FCN2: variants seen among roughly 807,000 people sequenced by gnomAD.
The protein encoded by FCN2 is ficolin 2.
Under a neutral mutation model 32.5 loss-of-function variants are expected in FCN2, and 31 were observed. The observed-to-expected ratio is 0.96, with a 90% CI of 0.72 to 1.29. FCN2 has a LOEUF of 1.29. FCN2 is among the 50% of genes most tolerant of loss of function. The pLI, the probability that FCN2 is intolerant of heterozygous loss-of-function variation, is 0.00. For missense variants in FCN2, 412 were observed against 406.5 expected (o/e 1.01, Z -0.12); for synonymous variants, 181 against 164.5 (o/e 1.10, Z -0.77).
upstream of FCN2, among the ~76,000 whole-genome samples, chr9:134,879,166 G>A (rs1432275860): frequency 2.6e-5 from 4 of 152,134 alleles, no homozygotes; most frequent in Non-Finnish European, 5.9e-5. Context: ...ATATGAATTC[G>A]GTAAGTTTTC....
chr9:134,871,981 C>G, the FCN2 span, among the ~76,000 whole-genome samples: 1 of 140,156 alleles, frequency 7.1e-6, no homozygotes, highest in Non-Finnish European at 1.5e-5. Flanking sequence ...AACATCTGTG[C>G]TTTTCTCTGT....
the FCN2 span, among the ~76,000 whole-genome samples, chr9:134,871,159 T>C: frequency 6.6e-6 from 1 of 152,328 alleles, no homozygotes; most frequent in South Asian, 2.1e-4. Flanking sequence ...ACCACTCTTC[T>C]ACAATTTACT....
chr9:134,882,022 C>T (rs1381892846), intron 1 of FCN2, among the ~76,000 whole-genome samples: 1 of 152,180 alleles, frequency 6.6e-6, no homozygotes, highest in African/African-American at 2.4e-5. Context: ...CAGATCTGCT[C>T]CAAGATCAGG....
At chr9:134,886,847 G>C (rs566387923) in intron 7 of FCN2, among the ~76,000 whole-genome samples, 1 of 152,148 alleles carries the variant, frequency 6.6e-6, no homozygotes, top group East Asian at 1.9e-4. Flanking sequence ...ATATCTCTGC[G>C]GGGCATGGCT....
rs1278248333 is a variant in FCN2, at chr9:134,885,761, TC to T, written c.430-5del. 6.2e-7 allele frequency: 1 copy of T among 1,613,896 alleles called. No individual in the cohort carries two copies. Among genetic ancestry groups the T allele is most frequent in the African/African-American group, 1.3e-5 (1 of 74,908 alleles). ...CCCCCGGCTCCTGTCCCCTGGCTTC[TC>T]CACAGGTTTTCCAGCGGAGGGTGGA... On this transcript the variant is annotated splice_region_variant and splice_polypyrimidine_tract_variant and intron_variant, in intron 5 of 7. Coordinates refer to ENST00000291744, the MANE Select transcript of FCN2 (RefSeq NM_004108.3).
At chr9:134,873,600 G>A in the FCN2 span, among the ~76,000 whole-genome samples, 1 of 152,212 alleles carries the variant, frequency 6.6e-6, no homozygotes, top group Non-Finnish European at 1.5e-5. Context: ...TGCCATGTAC[G>A]GTTGATGGCC....
chr9:134,867,829 T>A, the FCN2 span, among the ~76,000 whole-genome samples: 1 of 152,140 alleles, frequency 6.6e-6, no homozygotes, highest in Non-Finnish European at 1.5e-5. Context: ...GGGAAAATGC[T>A]TTGTCAGCCC....
chr9:134,887,213 AC>A lies in FCN2; in HGVS notation c.742del (p.Gln248ArgfsTer12). 1.9e-6 allele frequency: 3 copies of A among 1,614,158 alleles called. No individual in the cohort carries two copies. The highest frequency in any genetic ancestry group is 2.5e-6 in the Non-Finnish European group (3 of 1,179,998). ...AACAACCAGTCCTTCTCCACCAAAG[AC>A]CAGGACAATGATCTTAACACCGGAA... ...FHNNQSFSTK[D>X]QDNDLNTGNC... On this transcript the variant is annotated frameshift_variant, in exon 8 of 8. Transcript: ENST00000291744. LOFTEE classifies it low-confidence loss of function (END_TRUNC).
Position 134,882,586 on chromosome 9 carries a change from G to A in FCN2, c.161G>A (p.Gly54Glu). The A allele has an allele frequency of 1.9e-6, 3 of 1,614,174 alleles. No individual in the cohort carries two copies. Among genetic ancestry groups the A allele is most frequent in the Non-Finnish European group, 2.5e-6 (3 of 1,180,032 alleles). Residue 54 changes from glycine to glutamate, a missense_variant, in exon 2 of 8, where the codon GGG becomes GAG. By Grantham distance (98) the Gly-to-Glu change is moderately conservative. Transcript: ENST00000291744. ...DKLTILRGCP[G>E]LPGAPGPKGE... The stretch of plus-strand genomic sequence containing the variant: ...CTCACCATTCTCCGAGGCTGTCCGG[G>A]GCTGCCTGGGGCCCCTGGGCCCAAG...
At chr9:134,884,698 T>G (rs1181067054) in intron 3 of FCN2, 42 bp from the exon 4 acceptor site, 11 of 1,608,722 alleles carry the variant, frequency 6.8e-6, no homozygotes, top group Non-Finnish European at 9.4e-6. Flanking sequence ...GGGCTCTGAT[T>G]TCCAAACTGT....
At chr9:134,872,858 A>G in the FCN2 span, among the ~76,000 whole-genome samples, 1 of 152,162 alleles carries the variant, frequency 6.6e-6, no homozygotes, top group African/African-American at 2.4e-5. Flanking sequence ...TCCAAATTGC[A>G]AAGCAGTTTT....
the FCN2 span, among the ~76,000 whole-genome samples, chr9:134,873,476 C>T: frequency 6.6e-6 from 1 of 152,174 alleles, no homozygotes; most frequent in African/African-American, 2.4e-5. Flanking sequence ...CTTTTCCTCC[C>T]TGACCCTAAC....
chr9:134,886,130 C>T (rs1003974398), intron 6 of FCN2, among the ~76,000 whole-genome samples: 2 of 152,136 alleles, frequency 1.3e-5, no homozygotes, highest in African/African-American at 2.4e-5. Context: ...AGGTCTTGGC[C>T]CCACTGGCAT....
chr9:134,869,565 C>T, the FCN2 span, among the ~76,000 whole-genome samples: 1 of 152,224 alleles, frequency 6.6e-6, no homozygotes, highest in East Asian at 1.9e-4. Flanking sequence ...AATCAGGGCC[C>T]TCCCTAGGCC....
upstream of FCN2, among the ~76,000 whole-genome samples, chr9:134,880,651 CG>C (rs1302835000): frequency 3.3e-5 from 5 of 152,232 alleles, no homozygotes; most frequent in East Asian, 5.8e-4. Context: ...CCCCAAGGGG[CG>C]GGGGGTAGGG....
At chr9:134,877,757 C>A (rs1190301802), upstream of FCN2, among the ~76,000 whole-genome samples, 1 of 152,156 alleles carries the variant, frequency 6.6e-6, no homozygotes, top group Non-Finnish European at 1.5e-5. Flanking sequence ...TGTCCTAGAA[C>A]AGCCGGCACC....
the FCN2 span, among the ~76,000 whole-genome samples, chr9:134,867,785 C>G: frequency 2.6e-5 from 4 of 152,062 alleles, no homozygotes; most frequent in Admixed American, 1.3e-4. Flanking sequence ...CTTCCAGCCC[C>G]GTAATTCTAC....
upstream of FCN2, among the ~76,000 whole-genome samples, chr9:134,879,093 A>G (rs3128628): frequency 0.33 from 49,711 of 152,134 alleles, 8,433 homozygotes; most frequent in South Asian, 0.44. Flanking sequence ...ACTGCTAGAA[A>G]TGTAATCATT....
At chr9:134,872,094 T>C in the FCN2 span, among the ~76,000 whole-genome samples, 5 of 152,350 alleles carry the variant, frequency 3.3e-5, no homozygotes, top group South Asian at 8.3e-4. Flanking sequence ...TTAAGGGTCA[T>C]GATGTTGTAC....
Sources: gnomAD v4.1 joint callset for allele counts (sites outside exome capture counted in the v4.1 genomes callset) on GRCh38, gnomAD v4.1.1 for gene constraint, MANE v1.5 for transcripts, NCBI Gene and HGNC (gene_info 2026-07-23, HGNC 2026-07-21) for gene names.